LINC00305: variants seen among roughly 807,000 people sequenced by gnomAD.
LINC00305 encodes the protein long intergenic non-protein coding RNA 305.
chr18:64,129,642 C>T (rs2051400498), intron 1 of LINC00305, among the ~76,000 whole-genome samples: 1 of 152,042 alleles, frequency 6.6e-6, no homozygotes, highest in African/African-American at 2.4e-5. Flanking sequence ...CTGAGGTTTG[C>T]AAACCTTTAA....
intron 1 of LINC00305, among the ~76,000 whole-genome samples, chr18:64,132,420 AT>A (rs2051413777): frequency 1.3e-5 from 2 of 152,154 alleles, no homozygotes; most frequent in African/African-American, 4.8e-5. Flanking sequence ...TATATTAATT[AT>A]TTGCACATAT....
At chr18:64,129,752 T>C (rs1387811131) in intron 1 of LINC00305, among the ~76,000 whole-genome samples, 6 of 152,192 alleles carry the variant, frequency 3.9e-5, no homozygotes. Context: ...ACTTAGTTCA[T>C]GGACAATTGC....
At chr18:64,123,875 G>A (rs1487748247) in intron 1 of LINC00305, among the ~76,000 whole-genome samples, 1 of 151,980 alleles carries the variant, frequency 6.6e-6, no homozygotes, top group African/African-American at 2.4e-5. Flanking sequence ...AGAGCTGGCT[G>A]TTAAAAAGAT....
intron 1 of LINC00305, among the ~76,000 whole-genome samples, chr18:64,119,553 T>A (rs1468228941): frequency 6.6e-6 from 1 of 152,152 alleles, no homozygotes; most frequent in Non-Finnish European, 1.5e-5. Context: ...GTCTCATAAC[T>A]GCTAGAACTT....
chr18:64,094,966 A>G (rs2051239752), intron 3 of LINC00305, among the ~76,000 whole-genome samples: 1 of 152,146 alleles, frequency 6.6e-6, no homozygotes, highest in South Asian at 2.1e-4. Context: ...CATAGAGACC[A>G]GGACAAACAA....
At chr18:64,109,441 T>A (rs1380105705) in intron 1 of LINC00305, among the ~76,000 whole-genome samples, 1 of 152,202 alleles carries the variant, frequency 6.6e-6, no homozygotes, top group Non-Finnish European at 1.5e-5. Context: ...CAATTGGAAC[T>A]AACAACAAAT....
intron 1 of LINC00305, among the ~76,000 whole-genome samples, chr18:64,141,624 A>G (rs1311821660): frequency 6.6e-6 from 1 of 152,224 alleles, no homozygotes. Flanking sequence ...AAAGAAACAA[A>G]AAGACTGTGT....
At chr18:64,086,001 T>G (rs1407239711) in intron 3 of LINC00305, among the ~76,000 whole-genome samples, 2 of 152,238 alleles carry the variant, frequency 1.3e-5, no homozygotes, top group Admixed American at 1.3e-4. Flanking sequence ...TTTAGCATAC[T>G]GTTACACACA....
At chr18:64,122,247 A>G (rs754500900) in intron 1 of LINC00305, among the ~76,000 whole-genome samples, 1 of 152,064 alleles carries the variant, frequency 6.6e-6, no homozygotes, top group Non-Finnish European at 1.5e-5. Flanking sequence ...TTAGTCATGA[A>G]TTCTTTACCT....
intron 3 of LINC00305, among the ~76,000 whole-genome samples, chr18:64,085,821 A>G (rs2051201268): frequency 6.6e-6 from 1 of 152,198 alleles, no homozygotes; most frequent in Non-Finnish European, 1.5e-5. Flanking sequence ...ACATGGGGAC[A>G]ACTCTAGCTT....
At chr18:64,140,993 G>A (rs1399778341) in intron 1 of LINC00305, among the ~76,000 whole-genome samples, 5 of 149,330 alleles carry the variant, frequency 3.3e-5, no homozygotes, top group Non-Finnish European at 7.4e-5. Context: ...GCAAGGCGAT[G>A]GGAACCTCAG....
chr18:64,143,746 C>A (rs1322328118), intron 1 of LINC00305, among the ~76,000 whole-genome samples: 1 of 69,358 alleles, frequency 1.4e-5, no homozygotes, highest in Non-Finnish European at 3.1e-5. Context: ...ACATATTATG[C>A]GTACATGTAT....
chr18:64,138,359 G>A (rs1289158729), intron 1 of LINC00305, among the ~76,000 whole-genome samples: 4 of 152,146 alleles, frequency 2.6e-5, no homozygotes, highest in Non-Finnish European at 5.9e-5. Flanking sequence ...GAATAATATT[G>A]TCTTTGTTTA....
Position 64,118,824 on chromosome 18 carries a change from C to CTGTG in LINC00305, n.315-20188_315-20185dup, listed in dbSNP as rs58215196. On this transcript the variant is annotated intron_variant and non_coding_transcript_variant, in intron 1 of 3. Coordinates refer to ENST00000666468, the Ensembl canonical transcript of LINC00305. ...CCTACTTGATCAAGACCCTGGGGGT[C>CTGTG]TGTGTGTGTGTGTGTGTGTGTGTGT... Among the ~76,000 whole-genome samples the CTGTG allele has an allele frequency of 2.9e-3, 417 of 144,448 alleles. 4 individuals are homozygous for CTGTG. The highest frequency in any genetic ancestry group is 8.8e-3 in the Admixed American group (127 of 14,420). The allele number at this position is 144,448 out of a possible 152,430, so 94.8% of individuals were successfully genotyped here. A position where few individuals can be genotyped will look rare whatever the true frequency, so the allele number is the denominator to read the frequency against.
chr18:64,101,303 T>C (rs573280864), intron 1 of LINC00305, among the ~76,000 whole-genome samples: 11 of 152,294 alleles, frequency 7.2e-5, no homozygotes, highest in African/African-American at 2.6e-4. Context: ...CAATGCCCTC[T>C]GTATTGGTTT....
At chr18:64,145,420 G>A (rs979496077) in intron 1 of LINC00305, among the ~76,000 whole-genome samples, 24 of 152,212 alleles carry the variant, frequency 1.6e-4, no homozygotes, top group Non-Finnish European at 2.2e-4. Context: ...CCAGTGCATT[G>A]TTGGCACCAT....
intron 1 of LINC00305, among the ~76,000 whole-genome samples, chr18:64,125,391 CCTTT>C (rs1375291513): frequency 6.6e-6 from 1 of 151,480 alleles, no homozygotes; most frequent in Non-Finnish European, 1.5e-5. Flanking sequence ...TAGATACTGG[CCTTT>C]CTTTCACAAT....
chr18:64,104,303 T>A (rs1187968719), intron 1 of LINC00305: 2 of 152,244 alleles, frequency 1.3e-5, no homozygotes, highest in Non-Finnish European at 2.9e-5. Flanking sequence ...GAAGTCTGCA[T>A]CTTCTCCGCC....
chr18:64,100,826 G>C (rs2051265276), intron 1 of LINC00305, among the ~76,000 whole-genome samples: 1 of 152,118 alleles, frequency 6.6e-6, no homozygotes, highest in Non-Finnish European at 1.5e-5. Context: ...TTTTTGAGAG[G>C]GAGAGCCATG....
Sources: gnomAD v4.1 joint callset for allele counts (sites outside exome capture counted in the v4.1 genomes callset) on GRCh38, gnomAD v4.1.1 for gene constraint, MANE v1.5 for transcripts, NCBI Gene and HGNC (gene_info 2026-07-23, HGNC 2026-07-21) for gene names.